Variants in CMIP observed in about 807,000 individuals in gnomAD.
CMIP encodes c-Maf inducing protein.
In CMIP, 13 loss-of-function variants were observed where a neutral mutation model predicts 97.3. The ratio of observed to expected loss-of-function variants is 0.13; its 90% CI spans 0.09 to 0.21. CMIP has a LOEUF of 0.21. Among genes scored for constraint, CMIP ranks in the 10% least tolerant of loss-of-function variants. The pLI is 1.00. For synonymous variants in CMIP, 538 were observed against 436.3 expected, an observed-to-expected ratio of 1.23 and a Z score of -2.91; for missense variants, 847 against 1,024.9, an observed-to-expected ratio of 0.83 and a Z score of 2.37.
chr16:81,479,482 C>T (rs923547805), intron 1 of CMIP, among the ~76,000 whole-genome samples: 2 of 152,112 alleles, frequency 1.3e-5, no homozygotes, highest in Non-Finnish European at 2.9e-5. Flanking sequence ...CTGAAACTGT[C>T]CCCATTAAAT....
chr16:81,499,938 C>T (rs528453620), intron 1 of CMIP, among the ~76,000 whole-genome samples: 15 of 152,364 alleles, frequency 9.8e-5, no homozygotes, highest in African/African-American at 3.6e-4. Context: ...TTCCGGGGCG[C>T]CCCACGCACT....
At chr16:81,585,203 A>G (rs1051927137) in intron 1 of CMIP, among the ~76,000 whole-genome samples, 2 of 152,152 alleles carry the variant, frequency 1.3e-5, no homozygotes, top group East Asian at 1.9e-4. Flanking sequence ...TTAGCCAGGC[A>G]TGGTGGTGGG....
intron 3 of CMIP, among the ~76,000 whole-genome samples, chr16:81,640,286 G>GC (rs35478251): frequency 0.017 from 2,253 of 129,244 alleles, 53 homozygotes; most frequent in African/African-American, 0.05. Flanking sequence ...AGGACATCAG[G>GC]CCCCCCCCCC....
intron 3 of CMIP, among the ~76,000 whole-genome samples, chr16:81,633,813 C>T (rs1180057182): frequency 6.6e-6 from 1 of 152,208 alleles, no homozygotes; most frequent in African/African-American, 2.4e-5. Context: ...GACCTCTGTC[C>T]AGGAGTACAA....
chr16:81,548,288 C>T (rs1224016518), intron 1 of CMIP, among the ~76,000 whole-genome samples: 2 of 152,058 alleles, frequency 1.3e-5, no homozygotes, highest in Admixed American at 6.6e-5. Context: ...CACAGGCCAC[C>T]ACTCCTGGCT....
intron 3 of CMIP, among the ~76,000 whole-genome samples, chr16:81,642,685 C>T (rs966281128): frequency 6.6e-6 from 1 of 152,120 alleles, no homozygotes; most frequent in African/African-American, 2.4e-5. Context: ...CTCCTGAGGT[C>T]AGGAGTTCGA....
intron 1 of CMIP, among the ~76,000 whole-genome samples, chr16:81,537,711 A>G (rs1238797342): frequency 7.2e-6 from 1 of 138,728 alleles, no homozygotes; most frequent in African/African-American, 2.6e-5. Context: ...TGTTGAAAGA[A>G]AAGAAAAGAA....
intron 1 of CMIP, among the ~76,000 whole-genome samples, chr16:81,501,341 G>A (rs2089607824): frequency 6.6e-6 from 1 of 152,260 alleles, no homozygotes; most frequent in Non-Finnish European, 1.5e-5. Flanking sequence ...TGCTTTGCGT[G>A]TGCCACACAG....
chr16:81,461,664 T>C (rs945910537), intron 1 of CMIP, among the ~76,000 whole-genome samples: 2 of 152,208 alleles, frequency 1.3e-5, no homozygotes, highest in African/African-American at 2.4e-5. Context: ...CACCAGGGTG[T>C]TCGCTCTTAA....
At chr16:81,447,723 A>C (rs1905949188) in intron 1 of CMIP, among the ~76,000 whole-genome samples, 1 of 152,224 alleles carries the variant, frequency 6.6e-6, no homozygotes. Flanking sequence ...TTTCGTCACC[A>C]AGCACTACAG....
At chr16:81,520,696 G>A (rs1420451045) in intron 1 of CMIP, 1 of 152,152 alleles carries the variant, frequency 6.6e-6, no homozygotes, top group East Asian at 1.9e-4. Context: ...ATATAATTAA[G>A]TTGATCAGAA....
intron 1 of CMIP, among the ~76,000 whole-genome samples, chr16:81,567,638 G>C (rs571261275): frequency 1.3e-5 from 2 of 152,338 alleles, no homozygotes; most frequent in East Asian, 3.9e-4. Context: ...AAGCTAGGCT[G>C]AAAGTCCCTT....
intron 1 of CMIP, among the ~76,000 whole-genome samples, chr16:81,539,519 T>A (rs1364395446): frequency 2.0e-5 from 3 of 152,204 alleles, no homozygotes; most frequent in Non-Finnish European, 2.9e-5. Flanking sequence ...CATGCTTCGC[T>A]GTTGCTTTTA....
At chr16:81,607,752 C>T in intron 2 of CMIP, 60 bp downstream of exon 2, 2 of 1,575,046 alleles carry the variant, frequency 1.3e-6, no homozygotes, top group African/African-American at 1.3e-5. Context: ...CACTTGTGCC[C>T]CTCGTTTCCC....
chr16:81,639,962 G>C (rs1415900332), intron 3 of CMIP, among the ~76,000 whole-genome samples: 1 of 152,218 alleles, frequency 6.6e-6, no homozygotes, highest in Non-Finnish European at 1.5e-5. Context: ...GATGGTGGCT[G>C]CTGGTGTCGG....
At chr16:81,706,045 C>A (rs1380227364) in intron 19 of CMIP, among the ~76,000 whole-genome samples, 1 of 152,210 alleles carries the variant, frequency 6.6e-6, no homozygotes, top group Non-Finnish European at 1.5e-5. Context: ...GCCTGGGAGG[C>A]TCCCGTGCCC....
chr16:81,451,325 A>G (rs1053035507), intron 1 of CMIP, among the ~76,000 whole-genome samples: 6 of 152,246 alleles, frequency 3.9e-5, no homozygotes, highest in Middle Eastern at 3.4e-3. Context: ...GTCTGCCACC[A>G]TGTAAGACGT....
At chr16:81,661,635 T>C (rs1455200285) in intron 6 of CMIP, among the ~76,000 whole-genome samples, 1 of 152,164 alleles carries the variant, frequency 6.6e-6, no homozygotes, top group Non-Finnish European at 1.5e-5. Flanking sequence ...CCGCTGTCCT[T>C]TGGAGAGGCG....
At chr16:81,451,778 A>G (rs892131205) in intron 1 of CMIP, among the ~76,000 whole-genome samples, 2 of 152,162 alleles carry the variant, frequency 1.3e-5, no homozygotes, top group Non-Finnish European at 2.9e-5. Context: ...GTGCAGCTCC[A>G]CCTGAGGGCA....
Sources: gnomAD v4.1 joint callset for allele counts (sites outside exome capture counted in the v4.1 genomes callset) on GRCh38, gnomAD v4.1.1 for gene constraint, MANE v1.5 for transcripts, NCBI Gene and HGNC (gene_info 2026-07-23, HGNC 2026-07-21) for gene names.